The following HYDIN variants were observed in gnomAD, a reference collection of about 807,000 sequenced individuals.
The protein encoded by HYDIN is HYDIN axonemal central pair apparatus protein, also known as axonemal central pair apparatus protein HYDIN.
In HYDIN, 132 loss-of-function variants were observed where a neutral mutation model predicts 403.9. That is an observed-to-expected ratio of 0.33 (90% CI 0.28 to 0.38). HYDIN has a LOEUF of 0.38. Ranked by LOEUF, HYDIN falls within the 10% of genes least tolerant of loss-of-function variation. The pLI, the probability that HYDIN is intolerant of heterozygous loss-of-function variation, is 1.00. For missense variants in HYDIN, 2,827 were observed against 5,009.5 expected, an observed-to-expected ratio of 0.56 and a Z score of 13.15; for synonymous variants, 1,202 against 1,891.7, an observed-to-expected ratio of 0.64 and a Z score of 9.46.
intron 5 of HYDIN, among the ~76,000 whole-genome samples, chr16:71,169,560 C>T (rs1179957960): frequency 6.6e-6 from 1 of 152,084 alleles, no homozygotes; most frequent in Non-Finnish European, 1.5e-5. Flanking sequence ...GTAAAATAAG[C>T]CAGGCATAAG....
At chr16:71,197,520 T>C (rs548062633) in intron 1 of HYDIN, among the ~76,000 whole-genome samples, 37 of 152,320 alleles carry the variant, frequency 2.4e-4, no homozygotes, top group Non-Finnish European at 4.1e-4. Flanking sequence ...GATAAAGTGA[T>C]ATCACCTTTT....
At chr16:70,851,278 G>C (rs2038634325) in intron 73 of HYDIN, among the ~76,000 whole-genome samples, 1 of 141,752 alleles carries the variant, frequency 7.1e-6, no homozygotes. Flanking sequence ...TACAAACAGA[G>C]AAAAAATGCA....
At chr16:70,906,176 G>C (rs2076531880) in intron 50 of HYDIN, among the ~76,000 whole-genome samples, 1 of 152,122 alleles carries the variant, frequency 6.6e-6, no homozygotes, top group South Asian at 2.1e-4. Flanking sequence ...TGCTAAGAAT[G>C]GCTGATCATC....
At chr16:70,836,653 C>T (rs1246916103) in intron 77 of HYDIN, among the ~76,000 whole-genome samples, 1 of 152,222 alleles carries the variant, frequency 6.6e-6, no homozygotes, top group Non-Finnish European at 1.5e-5. Context: ...ATGAGCAGCA[C>T]CCACTGGTCA....
At chr16:71,129,568 G>C in intron 9 of HYDIN, 72 bp downstream of exon 9, 1 of 1,410,834 alleles carries the variant, frequency 7.1e-7, no homozygotes, top group East Asian at 2.4e-5. Flanking sequence ...CCCCAAGTGA[G>C]CGCTCTTATC....
rs760992790 is a variant in HYDIN at position 70,920,961 on chromosome 16, A to C, written c.7415T>G (p.Met2472Arg). The change falls in exon 46 of 86, where the codon ATG (methionine) becomes AGG (arginine). Residue 2472 changes from methionine (M) to arginine (R), a missense_variant. Coordinates refer to ENST00000393567, the MANE Select transcript of HYDIN (RefSeq NM_001270974.2). ...LTLKDVQNIL[M>R]YWDRKQGVQL... ...GACTCCTTGCTTCCGGTCCCAGTACATGAGGATGTTCTGGACATCCTTCAG... is the reference window on the plus strand; with the variant it reads ...GACTCCTTGCTTCCGGTCCCAGTACCTGAGGATGTTCTGGACATCCTTCAG... 1 of 1,608,592 alleles carries C rather than the reference A, an allele frequency of 6.2e-7. No homozygotes were observed. The highest frequency in any genetic ancestry group is 8.5e-7 in the Non-Finnish European group (1 of 1,177,348).
At chr16:70,971,107 G>C (rs2078719195) in intron 35 of HYDIN, among the ~76,000 whole-genome samples, 2 of 152,134 alleles carry the variant, frequency 1.3e-5, no homozygotes. Flanking sequence ...TGCATCTCTG[G>C]GCCTGAAGGT....
intron 36 of HYDIN, among the ~76,000 whole-genome samples, chr16:70,969,775 A>T (rs2078683114): frequency 6.6e-6 from 1 of 151,528 alleles, no homozygotes; most frequent in African/African-American, 2.4e-5. Context: ...TTGACAGTTG[A>T]AACAATAATT....
Position 71,229,319 on chromosome 16 carries a change from T to C in HYDIN, c.-24+1243A>G, listed in dbSNP as rs375820415. On this transcript the variant is annotated intron_variant, in intron 1 of 85. Transcript: ENST00000393567. ...TTAAAGGAGAATAAAAATATATACA[T>C]ATAAAAAAAAGATCACCTGCTAACA... 3.7e-4 allele frequency among the ~76,000 whole-genome samples: 57 copies of C among 152,102 alleles called. 1 individual carries two copies. In the South Asian group the frequency reaches 0.011, roughly 29 times the overall value.
intron 84 of HYDIN, among the ~76,000 whole-genome samples, chr16:70,813,256 C>T (rs1290419039): frequency 6.7e-6 from 1 of 150,138 alleles, no homozygotes; most frequent in Non-Finnish European, 1.5e-5. Context: ...CGGCCTGTGG[C>T]TTCTATTCTT....
rs764451545 is a variant in HYDIN at position 70,834,169 on chromosome 16, A to G, written c.13402-5T>C. 1 of 1,613,790 alleles carries G rather than the reference A, an allele frequency of 6.2e-7. No homozygotes were observed. Among genetic ancestry groups the G allele is most frequent in the Non-Finnish European group, 8.5e-7 (1 of 1,179,832 alleles). On this transcript the variant is annotated splice_polypyrimidine_tract_variant and splice_region_variant and intron_variant, in intron 78 of 85. Transcript: ENST00000393567. Reference sequence around the variant, plus strand: ...GAAGGGCGCCAGGGTAAGGACCTGAATGAAATAGCACCCAGAGTCAGCAGC... The same window carrying G: ...GAAGGGCGCCAGGGTAAGGACCTGAGTGAAATAGCACCCAGAGTCAGCAGC...
chr16:71,011,543 C>T (rs1233739439), intron 23 of HYDIN, among the ~76,000 whole-genome samples: 3 of 84,810 alleles, frequency 3.5e-5, no homozygotes, highest in African/African-American at 3.2e-4. Context: ...CCTGTCTCTA[C>T]AAAACAAACA....
chr16:71,208,557 G>A (rs1440547808), intron 1 of HYDIN, among the ~76,000 whole-genome samples: 1 of 152,022 alleles, frequency 6.6e-6, no homozygotes, highest in Non-Finnish European at 1.5e-5. Context: ...ACCAAAATCA[G>A]AGCTGAACTG....
At position 71,067,405 on chromosome 16, in the gene HYDIN, G is replaced by A. The variant is rs552728250; in HGVS notation, c.1975-15C>T. 208 of 1,591,196 alleles carry A rather than the reference G, an allele frequency of 1.3e-4. 2 individuals are homozygous for A. In the South Asian group the frequency reaches 2.3e-3, roughly 17 times the overall value. On this transcript the variant is annotated splice_polypyrimidine_tract_variant and intron_variant, in intron 14 of 85. Coordinates refer to ENST00000393567, the MANE Select transcript of HYDIN (RefSeq NM_001270974.2). ...CATAATGTCACCTGGAAAGAAAAAG[G>A]TGACAAGTTGGTCTTCGAAAAAGCA...
chr16:70,824,101 T>C (rs2143478741), intron 83 of HYDIN, among the ~76,000 whole-genome samples: 1 of 151,900 alleles, frequency 6.6e-6, no homozygotes, highest in South Asian at 2.1e-4. Context: ...TGGAGTATTA[T>C]AATCATTATA....
At chr16:70,839,775 C>A (rs1188033944) in intron 76 of HYDIN, among the ~76,000 whole-genome samples, 1 of 146,454 alleles carries the variant, frequency 6.8e-6, no homozygotes, top group Non-Finnish European at 1.5e-5. Flanking sequence ...CCTCAGTTTC[C>A]AAGTCTATTG....
At chr16:71,116,230 C>CTTTTTTT (rs3051996) in intron 9 of HYDIN, among the ~76,000 whole-genome samples, 9 of 97,804 alleles carry the variant, frequency 9.2e-5, no homozygotes, top group Admixed American at 2.5e-4. Flanking sequence ...TGAGTTAGAC[C>CTTTTTTT]TTTTTTTTTT....
chr16:71,064,940 T>C (rs529879793), intron 15 of HYDIN, 100 bp from the exon 16 acceptor site: 1 of 1,308,762 alleles, frequency 7.6e-7, no homozygotes, highest in Non-Finnish European at 1.0e-6. Flanking sequence ...TGTCACATAG[T>C]AGTTTTTCTC....
intron 73 of HYDIN, among the ~76,000 whole-genome samples, chr16:70,853,167 C>T (rs545231605): frequency 3.7e-4 from 56 of 152,126 alleles, no homozygotes; most frequent in African/African-American, 1.1e-3. Context: ...GGCAACAGAG[C>T]GAGACTCTGT....
Sources: gnomAD v4.1 joint callset for allele counts (sites outside exome capture counted in the v4.1 genomes callset) on GRCh38, gnomAD v4.1.1 for gene constraint, MANE v1.5 for transcripts, NCBI Gene and HGNC (gene_info 2026-07-23, HGNC 2026-07-21) for gene names.